The following RIGI variants were observed in gnomAD, a reference collection of about 807,000 sequenced individuals.
RIGI encodes the protein antiviral innate immune response receptor RIG-I.
chr9:32,516,082 T>C, the RIGI span, among the ~76,000 whole-genome samples: 2 of 152,202 alleles, frequency 1.3e-5, no homozygotes, highest in Non-Finnish European at 2.9e-5. Context: ...ACACTTGTTT[T>C]ATCTGAGATC....
chr9:32,480,354 T>A, the RIGI span: 2 of 1,581,692 alleles, frequency 1.3e-6, no homozygotes, highest in South Asian at 2.3e-5. Context: ...TCATTATATT[T>A]CTGTTGAAAG....
At chr9:32,457,039 G>C in the RIGI span, 1 of 1,045,854 alleles carries the variant, frequency 9.6e-7, no homozygotes, top group Non-Finnish European at 1.4e-6. Context: ...GGGTACAAGC[G>C]ATCCATGATT....
At chr9:32,494,550 T>C in the RIGI span, among the ~76,000 whole-genome samples, 1 of 152,146 alleles carries the variant, frequency 6.6e-6, no homozygotes, top group Non-Finnish European at 1.5e-5. Flanking sequence ...AAAAAACAGA[T>C]AAAACATTTA....
chr9:32,523,383 A>G, the RIGI span, among the ~76,000 whole-genome samples: 1 of 152,162 alleles, frequency 6.6e-6, no homozygotes, highest in East Asian at 1.9e-4. Context: ...ACATCTCTTC[A>G]TGGATGTATC....
the RIGI span, among the ~76,000 whole-genome samples, chr9:32,476,004 G>C: frequency 6.6e-6 from 1 of 152,048 alleles, no homozygotes; most frequent in Admixed American, 6.6e-5. Flanking sequence ...CAAAAGATTG[G>C]TTTTCAAAGA....
chr9:32,511,333 G>A, the RIGI span, among the ~76,000 whole-genome samples: 3 of 152,054 alleles, frequency 2.0e-5, no homozygotes, highest in Admixed American at 2.0e-4. Context: ...CACATAATAG[G>A]AAATAAAACA....
At chr9:32,499,736 G>T in the RIGI span, among the ~76,000 whole-genome samples, 632 of 152,088 alleles carry the variant, frequency 4.2e-3, 1 homozygote, top group Non-Finnish European at 7.2e-3. Flanking sequence ...GATTACAGGT[G>T]TGAGCCACCA....
At chr9:32,487,414 A>T in the RIGI span, 1 of 1,547,386 alleles carries the variant, frequency 6.5e-7, no homozygotes, top group Non-Finnish European at 8.9e-7. Flanking sequence ...ATGGCTCTGA[A>T]CTAGAGGTAG....
chr9:32,485,059 A>G, the RIGI span: 5 of 688,786 alleles, frequency 7.3e-6, no homozygotes, highest in Non-Finnish European at 1.2e-5. Context: ...CAAGGAAGAC[A>G]ACCTCTGGAT....
At chr9:32,472,006 C>T in the RIGI span, among the ~76,000 whole-genome samples, 2 of 151,916 alleles carry the variant, frequency 1.3e-5, no homozygotes, top group South Asian at 2.1e-4. Context: ...TTGTCAGTGC[C>T]AGTCACTGAG....
chr9:32,455,420 G>A, the RIGI span, among the ~76,000 whole-genome samples: 9 of 152,038 alleles, frequency 5.9e-5, no homozygotes, highest in Non-Finnish European at 1.2e-4. Context: ...CAGCAGATGA[G>A]AGAGAGAGTG....
the RIGI span, among the ~76,000 whole-genome samples, chr9:32,515,341 C>CAA: frequency 7.0e-6 from 1 of 142,890 alleles, no homozygotes; most frequent in Non-Finnish European, 1.5e-5. Context: ...AAAAGCCACA[C>CAA]GTTTGTTTTT....
the RIGI span, chr9:32,481,369 C>A: frequency 1.3e-5 from 21 of 1,613,612 alleles, no homozygotes; most frequent in Non-Finnish European, 1.7e-5. Flanking sequence ...AAAAACAGGG[C>A]TTTACAAATC....
At chr9:32,518,494 G>C in the RIGI span, among the ~76,000 whole-genome samples, 2 of 151,864 alleles carry the variant, frequency 1.3e-5, no homozygotes, top group Non-Finnish European at 1.5e-5. Context: ...CTATTTCTTT[G>C]TGTGTCTACC....
the RIGI span, chr9:32,480,442 G>A: frequency 7.6e-7 from 1 of 1,315,042 alleles, no homozygotes; most frequent in Non-Finnish European, 1.0e-6. Flanking sequence ...TTAACGAATT[G>A]TTTTAAGAAA....
chr9:32,477,005 A>G, the RIGI span: 1 of 1,613,928 alleles, frequency 6.2e-7, no homozygotes, highest in Non-Finnish European at 8.5e-7. Flanking sequence ...TCTGGTTTTC[A>G]CAAAGAGAAT....
chr9:32,485,619 C>A, the RIGI span: 1 of 406,658 alleles, frequency 2.5e-6, no homozygotes, highest in Admixed American at 3.3e-5. Context: ...CGGCTCACTG[C>A]AACCTCCGTC....
the RIGI span, among the ~76,000 whole-genome samples, chr9:32,521,161 A>AAAAAAAAAAAAAAAAAAT: frequency 6.6e-6 from 1 of 150,634 alleles, no homozygotes. Context: ...AAAAAAAAAA[A>AAAAAAAAAAAAAAAAAAT]ACTTCACAGA....
chr9:32,497,768 A>G, the RIGI span, among the ~76,000 whole-genome samples: 1 of 150,178 alleles, frequency 6.7e-6, no homozygotes, highest in African/African-American at 2.5e-5. Flanking sequence ...GAATGAATGA[A>G]TAAATAAATA....
Sources: allele counts gnomAD v4.1 joint callset (sites outside exome capture counted in the v4.1 genomes callset), GRCh38; gene constraint gnomAD v4.1.1; transcripts MANE v1.5; gene names NCBI Gene and HGNC (gene_info 2026-07-23, HGNC 2026-07-21).